Variants in ACTR3C observed in about 807,000 individuals in gnomAD.
The protein encoded by ACTR3C is actin-related protein 3C.
In ACTR3C, 18 loss-of-function variants were observed where a neutral mutation model predicts 26.3. The ratio of observed to expected loss-of-function variants is 0.68; its 90% confidence interval spans 0.47 to 1.01. ACTR3C has a LOEUF of 1.01. Among genes scored for constraint, ACTR3C ranks in the 50% least tolerant of loss-of-function variants. The pLI, the probability that ACTR3C is intolerant of heterozygous loss-of-function variation, is 0.00. For synonymous variants in ACTR3C, 55 were observed against 94.5 expected, an observed-to-expected ratio of 0.58 and a Z score of 2.42; for missense variants, 184 against 250.7, an observed-to-expected ratio of 0.73 and a Z score of 1.80.
At chr7:150,253,793 G>A (rs945720640) in intron 6 of ACTR3C, among the ~76,000 whole-genome samples, 37 of 151,946 alleles carry the variant, frequency 2.4e-4, no homozygotes, top group Non-Finnish European at 4.9e-4. Flanking sequence ...AATATGCCAT[G>A]CGATCCCCTC....
the ACTR3C span, among the ~76,000 whole-genome samples, chr7:149,971,552 T>C: frequency 6.6e-6 from 1 of 152,252 alleles, no homozygotes; most frequent in Admixed American, 6.5e-5. Context: ...TAATTTAATA[T>C]ATACATGTTT....
chr7:150,202,932 C>T, the ACTR3C span, among the ~76,000 whole-genome samples: 1 of 152,154 alleles, frequency 6.6e-6, no homozygotes, highest in African/African-American at 2.4e-5. Context: ...AATGTCTAAC[C>T]CCAGTTCAAA....
the ACTR3C span, among the ~76,000 whole-genome samples, chr7:150,048,435 G>A: frequency 2.8e-3 from 431 of 152,230 alleles, 2 homozygotes; most frequent in African/African-American, 0.01. Flanking sequence ...AGGGTGCGAG[G>A]GTGCGTGAAG....
At chr7:150,008,504 A>G in the ACTR3C span, among the ~76,000 whole-genome samples, 1 of 152,262 alleles carries the variant, frequency 6.6e-6, no homozygotes, top group East Asian at 1.9e-4. Context: ...ACAGGTGGTT[A>G]GAGGCTACTG....
the ACTR3C span, among the ~76,000 whole-genome samples, chr7:150,134,225 T>G: frequency 7.0e-6 from 1 of 142,286 alleles, no homozygotes; most frequent in Non-Finnish European, 1.5e-5. Context: ...AAAAAGGCTA[T>G]ATGCAGTAAA....
the ACTR3C span, among the ~76,000 whole-genome samples, chr7:150,168,425 AC>A: frequency 8.0e-5 from 12 of 150,110 alleles, no homozygotes; most frequent in Non-Finnish European, 1.8e-4. Context: ...GTCTTCCATC[AC>A]CCCCCAGTGG....
chr7:150,006,224 T>C, the ACTR3C span, among the ~76,000 whole-genome samples: 1 of 151,846 alleles, frequency 6.6e-6, no homozygotes, highest in Non-Finnish European at 1.5e-5. Context: ...TGAGAAGGAG[T>C]CTTACTCTGT....
the ACTR3C span, among the ~76,000 whole-genome samples, chr7:150,166,696 TA>T: frequency 0.038 from 5,455 of 141,698 alleles, 257 homozygotes; most frequent in East Asian, 0.19. Flanking sequence ...TAGATTCCAT[TA>T]AAAAAAAAAA....
At chr7:150,164,535 A>G in the ACTR3C span, among the ~76,000 whole-genome samples, 1 of 152,002 alleles carries the variant, frequency 6.6e-6, no homozygotes, top group East Asian at 1.9e-4. Flanking sequence ...AGTAAGAATT[A>G]TAATTTTATT....
chr7:150,035,319 AC>A, the ACTR3C span, among the ~76,000 whole-genome samples: 2 of 54,862 alleles, frequency 3.6e-5, 1 homozygote, highest in African/African-American at 1.1e-4. Flanking sequence ...GGGGGTACCA[AC>A]AGCCAGGGGC....
chr7:150,072,622 G>A, the ACTR3C span, among the ~76,000 whole-genome samples: 3 of 150,952 alleles, frequency 2.0e-5, no homozygotes, highest in African/African-American at 7.3e-5. Context: ...GCACCATGCA[G>A]TGGTCTGTGG....
chr7:150,012,524 C>T, the ACTR3C span, among the ~76,000 whole-genome samples: 1 of 150,432 alleles, frequency 6.6e-6, no homozygotes, highest in Non-Finnish European at 1.5e-5. Flanking sequence ...ACCATGTTAG[C>T]CAGGATGGTC....
At chr7:149,958,336 T>C in the ACTR3C span, among the ~76,000 whole-genome samples, 9 of 152,286 alleles carry the variant, frequency 5.9e-5, no homozygotes, top group African/African-American at 2.2e-4. Flanking sequence ...AGAGTTCCAG[T>C]GACGATCTTG....
At chr7:150,277,867 A>G (rs1835010297) in intron 6 of ACTR3C, among the ~76,000 whole-genome samples, 1 of 152,202 alleles carries the variant, frequency 6.6e-6, no homozygotes, top group Non-Finnish European at 1.5e-5. Context: ...CCCCTGGTGC[A>G]GCCCAAGCAC....
chr7:149,888,005 TC>T, the ACTR3C span, among the ~76,000 whole-genome samples: 3 of 152,028 alleles, frequency 2.0e-5, no homozygotes, highest in East Asian at 1.9e-4. Context: ...TCTTTTTTTT[TC>T]CCCCCAGTTT....
At chr7:150,135,852 A>C in the ACTR3C span, among the ~76,000 whole-genome samples, 2 of 142,704 alleles carry the variant, frequency 1.4e-5, no homozygotes, top group Non-Finnish European at 3.0e-5. Context: ...AAAGGGAAGA[A>C]AGAAAAGGAA....
At chr7:149,912,651 T>C in the ACTR3C span, among the ~76,000 whole-genome samples, 5 of 151,844 alleles carry the variant, frequency 3.3e-5, no homozygotes, top group Admixed American at 6.6e-5. Context: ...TACAGGCGCC[T>C]GCCACCACAC....
At chr7:150,291,164 C>T (rs1390512291) in intron 3 of ACTR3C, among the ~76,000 whole-genome samples, 1 of 152,232 alleles carries the variant, frequency 6.6e-6, no homozygotes, top group Non-Finnish European at 1.5e-5. Flanking sequence ...GGCATAGTGG[C>T]TCACGCCTGT....
the ACTR3C span, among the ~76,000 whole-genome samples, chr7:150,130,629 C>T: frequency 1.3e-5 from 2 of 152,126 alleles, no homozygotes; most frequent in Admixed American, 1.3e-4. Context: ...ACCAGTAATT[C>T]TACTAAATAT....
Sources: gnomAD v4.1 joint callset for allele counts (sites outside exome capture counted in the v4.1 genomes callset) on GRCh38, gnomAD v4.1.1 for gene constraint, MANE v1.5 for transcripts, NCBI Gene and HGNC (gene_info 2026-07-23, HGNC 2026-07-21) for gene names.